Variants in TDRD1 observed in about 807,000 individuals in gnomAD.
TDRD1 encodes the protein tudor domain-containing protein 1.
Under a neutral mutation model 140.6 loss-of-function variants are expected in TDRD1, and 37 were observed. The observed-to-expected ratio is 0.26, with a 90% CI of 0.20 to 0.35. The LOEUF is 0.35. TDRD1 is among the 10% of genes least tolerant of loss of function. The pLI, the probability that TDRD1 is intolerant of heterozygous loss-of-function variation, is 1.00. For synonymous variants in TDRD1, 506 were observed against 475.7 expected, an observed-to-expected ratio of 1.06 and a Z score of -0.83; for missense variants, 1,243 against 1,393.0, an observed-to-expected ratio of 0.89 and a Z score of 1.71.
chr10:114,194,916 C>T (rs148088639), intron 3 of TDRD1, among the ~76,000 whole-genome samples: 289 of 146,752 alleles, frequency 2.0e-3, no homozygotes, highest in African/African-American at 6.7e-3. Flanking sequence ...TATGCCACCA[C>T]ACCTGGCTTT....
intron 3 of TDRD1, among the ~76,000 whole-genome samples, chr10:114,193,357 A>G (rs1479674366): frequency 8.0e-6 from 1 of 125,764 alleles, no homozygotes; most frequent in Non-Finnish European, 1.5e-5. Context: ...CAGGGCTGCT[A>G]TCTTGGCTCA....
chr10:114,194,699 A>G (rs7077087), intron 3 of TDRD1, among the ~76,000 whole-genome samples: 38,578 of 143,626 alleles, frequency 0.27, 5,261 homozygotes, highest in African/African-American at 0.34. Context: ...GCTTTTGGGC[A>G]TGTTTTTTTG....
chr10:114,220,298 A>C (rs1415200951), intron 18 of TDRD1, among the ~76,000 whole-genome samples: 1 of 152,108 alleles, frequency 6.6e-6, no homozygotes, highest in East Asian at 1.9e-4. Context: ...CTAAAACAGT[A>C]CTCCTTTTTC....
At chr10:114,200,977 C>T (rs1323231589) in intron 4 of TDRD1, among the ~76,000 whole-genome samples, 2 of 151,028 alleles carry the variant, frequency 1.3e-5, no homozygotes, top group African/African-American at 2.4e-5. Context: ...CTTCAGCCTC[C>T]TGAGTAGCTG....
chr10:114,175,453 T>C (rs1007621395), upstream of TDRD1, among the ~76,000 whole-genome samples: 5 of 151,988 alleles, frequency 3.3e-5, no homozygotes, highest in Non-Finnish European at 7.4e-5. Flanking sequence ...TTTACAAATA[T>C]CAGAATTAAC....
chr10:114,184,195 G>A (rs1410465042), intron 1 of TDRD1, among the ~76,000 whole-genome samples: 1 of 150,978 alleles, frequency 6.6e-6, no homozygotes, highest in Non-Finnish European at 1.5e-5. Flanking sequence ...ACTATAAATA[G>A]GGTTGAATGC....
chr10:114,230,159 G>T (rs1295975975), intron 25 of TDRD1, among the ~76,000 whole-genome samples: 3 of 152,068 alleles, frequency 2.0e-5, no homozygotes, highest in African/African-American at 7.2e-5. Context: ...TAACCAAGTT[G>T]GTTGGCCTGT....
At chr10:114,222,806 G>A (rs1589713438) in intron 21 of TDRD1, 103 bp downstream of exon 21, 2 of 639,634 alleles carry the variant, frequency 3.1e-6, no homozygotes, top group South Asian at 2.3e-5. Flanking sequence ...ATTTCATTTG[G>A]TTTAGGGAGA....
intron 10 of TDRD1, among the ~76,000 whole-genome samples, chr10:114,205,369 G>A (rs1382683757): frequency 6.6e-6 from 1 of 152,178 alleles, no homozygotes; most frequent in Non-Finnish European, 1.5e-5. Flanking sequence ...GTGCCTCCCA[G>A]TTTCCAGGGT....
chr10:114,218,497 A>G (rs779379891), exon 18 of TDRD1: 3 of 1,612,814 alleles, frequency 1.9e-6, no homozygotes, highest in South Asian at 1.1e-5. Flanking sequence ...TTATGGAAAC[A>G]TCGAAGAAGT....
chr10:114,199,175 G>A, exon 4 of TDRD1: 1 of 1,608,348 alleles, frequency 6.2e-7, no homozygotes, highest in South Asian at 1.1e-5. Context: ...CTTAATAGAA[G>A]CCTGGAAATA....
At position 114,222,453 on chromosome 10, in the gene TDRD1, A is replaced by T. The variant is rs141895972; in HGVS notation, c.2891-134A>T. The T allele has an allele frequency of 1.1e-3, 412 of 373,996 alleles. 2 individuals are homozygous for T. The highest frequency in any genetic ancestry group is 8.1e-3 in the African/African-American group (384 of 47,442). The allele number at this position is 373,996 out of a possible 1,614,324, so 23.2% of individuals were successfully genotyped here. On this transcript the variant is annotated intron_variant, in intron 20 of 25. Coordinates refer to ENST00000251864, the Ensembl canonical transcript of TDRD1. The stretch of plus-strand genomic sequence containing the variant: ...TTTTCAAGTATCATGTATATTTTAT[A>T]TACATGTATATATTTTAAATATATT...
chr10:114,220,492 C>T (rs1358618194), intron 18 of TDRD1, 76 bp from the exon 19 acceptor site: 3 of 1,006,488 alleles, frequency 3.0e-6, no homozygotes, highest in Non-Finnish European at 4.5e-6. Context: ...TTGGCAAAGA[C>T]CTGGTGCTGG....
At chr10:114,226,564 G>C (rs1029272009) in intron 22 of TDRD1, among the ~76,000 whole-genome samples, 4 of 152,122 alleles carry the variant, frequency 2.6e-5, no homozygotes, top group Non-Finnish European at 5.9e-5. Context: ...GGGTCTTTCT[G>C]CTTCGTCACA....
intron 3 of TDRD1, among the ~76,000 whole-genome samples, chr10:114,193,684 A>G (rs978909326): frequency 3.3e-5 from 5 of 152,210 alleles, no homozygotes; most frequent in African/African-American, 9.6e-5. Context: ...TTCTTTTTCA[A>G]TGTATATGCC....
At chr10:114,185,269 G>A (rs750385204) in intron 1 of TDRD1, among the ~76,000 whole-genome samples, 5 of 152,096 alleles carry the variant, frequency 3.3e-5, no homozygotes, top group Non-Finnish European at 7.3e-5. Context: ...TGCTCACTGC[G>A]ACCTCTGACT....
At chr10:114,210,638 G>A in exon 12 of TDRD1, 1 of 1,611,206 alleles carries the variant, frequency 6.2e-7, no homozygotes. Context: ...GTAGACAAAA[G>A]TGACCTAATC....
chr10:114,228,628 A>G (rs889809906), intron 25 of TDRD1: 2 of 985,314 alleles, frequency 2.0e-6, no homozygotes, highest in Admixed American at 6.1e-5. Context: ...AAAACAAAAC[A>G]TACTCCCTGC....
chr10:114,214,409 C>A (rs572807111), intron 16 of TDRD1, among the ~76,000 whole-genome samples: 149 of 152,218 alleles, frequency 9.8e-4, no homozygotes, highest in African/African-American at 3.5e-3. Flanking sequence ...CTCCTATAAT[C>A]CTAACACTTT....
Sources: allele counts gnomAD v4.1 joint callset (sites outside exome capture counted in the v4.1 genomes callset), GRCh38; gene constraint gnomAD v4.1.1; transcripts MANE v1.5; gene names NCBI Gene and HGNC (gene_info 2026-07-23, HGNC 2026-07-21).